CHGB: variants seen among roughly 807,000 people sequenced by gnomAD.
CHGB encodes the protein secretogranin-1.
A neutral mutation model predicts 69.9 loss-of-function variants in CHGB; 46 were observed. The ratio of observed to expected loss-of-function variants is 0.66; its 90% confidence interval spans 0.52 to 0.84. The LOEUF (loss-of-function observed/expected upper bound fraction) is 0.84, where lower values mean the gene tolerates loss of function less well. Ranked by LOEUF, CHGB falls within the 40% of genes least tolerant of loss-of-function variation. The pLI is 0.00. For missense variants in CHGB, 796 were observed against 822.2 expected (o/e 0.97, Z 0.39); for synonymous variants, 312 against 298.2 (o/e 1.05, Z -0.48).
In CHGB at chr20:5,925,331, GAAATAA is replaced by G. The variant is rs2088543981; in HGVS notation, c.*283_*288del. The G allele has an allele frequency of 4.8e-6, 1 of 206,832 alleles. No homozygotes were observed. Among genetic ancestry groups the G allele is most frequent in the African/African-American group, 2.3e-5 (1 of 42,932 alleles). 12.8% of individuals were successfully genotyped at this position (206,832 alleles called of 1,614,324 possible). A position where few individuals can be genotyped will look rare whatever the true frequency, so the allele number is the denominator to read the frequency against. ...TTTGGAAAAATGTTTGTCTCAGTTG[GAAATAA>G]TAAAAGATTCACCTGAGACCAAAAG... On this transcript the variant is annotated 3_prime_UTR_variant, in exon 5 of 5. Coordinates refer to ENST00000378961, the MANE Select transcript of CHGB (RefSeq NM_001819.3).
intron 1 of CHGB, 115 bp downstream of exon 1, chr20:5,911,797 G>GT: frequency 1.0e-6 from 1 of 988,032 alleles, no homozygotes; most frequent in Non-Finnish European, 1.4e-6. Flanking sequence ...TGAGGGGAAG[G>GT]TTTACCTCTT....
chr20:5,916,090 T>G, intron 1 of CHGB: 1 of 553,904 alleles, frequency 1.8e-6, no homozygotes, highest in Non-Finnish European at 3.2e-6. Context: ...TACGCACACC[T>G]GTGTAACCAG....
rs149885251 is a variant in CHGB at position 5,924,542 on chromosome 20, G to A, written c.1957-430G>A. Among the ~76,000 whole-genome samples the A allele has an allele frequency of 2.4e-3, 361 of 152,316 alleles. 5 individuals carry two copies. The highest frequency in any genetic ancestry group is 8.3e-3 in the African/African-American group (344 of 41,568). On this transcript the variant is annotated intron_variant, in intron 4 of 4. Transcript: ENST00000378961. ...CCTGAGGCAGGGAGAATAGGTGATA[G>A]AGAAGTTTACTTGCTTGCCTATTTA...
Position 5,911,668 on chromosome 20 carries a change from C to T in CHGB, c.35C>T (p.Ala12Val). The T allele has an allele frequency of 6.7e-7, 1 of 1,490,094 alleles. No homozygotes were observed. Among genetic ancestry groups the T allele is most frequent in the Admixed American group, 2.2e-5 (1 of 44,474 alleles). The allele number at this position is 1,490,094 out of a possible 1,614,324, so 92.3% of individuals were successfully genotyped here. A position where few individuals can be genotyped will look rare whatever the true frequency, so the allele number is the denominator to read the frequency against. Reference protein sequence around the residue: ...QPTLLLSLLGAVGLAAVNSMP... With the variant: ...QPTLLLSLLGVVGLAAVNSMP... ...ACGCTGCTTCTCAGCCTCCTGGGAGCCGTGGGGCTGGCGGGTGAGTGGGCG... is the reference window on the plus strand; with the variant it reads ...ACGCTGCTTCTCAGCCTCCTGGGAGTCGTGGGGCTGGCGGGTGAGTGGGCG... The change falls in exon 1 of 5, where the codon GCC (alanine) becomes GTC (valine). Residue 12 changes from alanine to valine, a missense_variant. Ala to Val is a moderately conservative substitution (Grantham distance 64). This residue lies in a region of CHGB where 518 missense variants were observed against 506.3 expected (regional missense o/e 1.02). Coordinates refer to ENST00000378961, the MANE Select transcript of CHGB (RefSeq NM_001819.3).
intron 1 of CHGB, among the ~76,000 whole-genome samples, chr20:5,912,337 A>AT (rs897011834): frequency 1.8e-4 from 28 of 151,518 alleles, no homozygotes; most frequent in Admixed American, 7.9e-4. Context: ...CAAAGGAATT[A>AT]TTTTTTTTTA....
At chr20:5,918,891 G>A (rs1468413709) in intron 3 of CHGB, among the ~76,000 whole-genome samples, 4 of 148,404 alleles carry the variant, frequency 2.7e-5, no homozygotes, top group Non-Finnish European at 4.5e-5. Flanking sequence ...AGGTAACAAT[G>A]GTAGCTGTGG....
Position 5,916,833 on chromosome 20 carries a change from G to A in CHGB, c.104G>A (p.Arg35His), listed in dbSNP as rs757797284. The A allele has an allele frequency of 3.2e-5, 52 of 1,613,976 alleles. No homozygotes were observed. Among genetic ancestry groups the A allele is most frequent in the Middle Eastern group, 1.6e-4 (1 of 6,084 alleles). The change falls in exon 3 of 5, where the codon CGC becomes CAC. Residue 35 changes from arginine to histidine, a missense_variant. This residue lies in a region of CHGB where 518 missense variants were observed against 506.3 expected (regional missense o/e 1.02). Coordinates refer to ENST00000378961, the MANE Select transcript of CHGB (RefSeq NM_001819.3). ...NRNHNEGMVT[R>H]CIIEVLSNAL... Reference sequence around the variant, plus strand: ...TTTCGGGTTTCCCCCCAGGTGACTCGCTGCATCATTGAGGTCCTCTCAAAT... The same window carrying A: ...TTTCGGGTTTCCCCCCAGGTGACTCACTGCATCATTGAGGTCCTCTCAAAT...
intron 3 of CHGB, 135 bp from the exon 4 acceptor site, chr20:5,922,200 G>A (rs1194448887): frequency 1.3e-5 from 16 of 1,215,662 alleles, no homozygotes. Flanking sequence ...AGGAATCTGA[G>A]TATATTCTTC....
chr20:5,922,396 A>G lies in CHGB; in HGVS notation c.252A>G (p.Arg84=). The G allele has an allele frequency of 6.3e-7, 1 of 1,597,108 alleles. No homozygotes were observed. Among genetic ancestry groups the G allele is most frequent in the East Asian group, 2.3e-5 (1 of 44,434 alleles). The part of the protein sequence containing the change: ...TENENTKFEV[R]LLRDPADASE... ...ATGAAAACACAAAGTTTGAAGTAAG[A>G]TTGTTAAGAGACCCAGCTGATGCCT... The change falls in exon 4 of 5, where the codon AGA becomes AGG. Residue 84 remains arginine, a synonymous_variant. Transcript: ENST00000378961.
chr20:5,914,825 A>G (rs2088466407), intron 1 of CHGB: 1 of 152,254 alleles, frequency 6.6e-6, no homozygotes, highest in Admixed American at 6.5e-5. Flanking sequence ...TTCTTGAAAC[A>G]GTTGAAGTGA....
chr20:5,922,878 G>T lies in CHGB; in HGVS notation c.734G>T (p.Ser245Ile). The T allele has an allele frequency of 6.2e-7, 1 of 1,613,818 alleles. No individual in the cohort carries two copies. The highest frequency in any genetic ancestry group is 8.5e-7 in the Non-Finnish European group (1 of 1,179,872). Reference protein sequence around the residue: ...SSQESGEETGSQENHPQESKG... With the variant: ...SSQESGEETGIQENHPQESKG... Reference sequence around the variant, plus strand: ...CAGGAGAGTGGAGAGGAGACAGGGAGCCAGGAGAATCACCCCCAGGAGTCT... The same window carrying T: ...CAGGAGAGTGGAGAGGAGACAGGGATCCAGGAGAATCACCCCCAGGAGTCT... Residue 245 changes from serine (S) to isoleucine (I), a missense_variant, in exon 4 of 5, where the codon AGC (serine) becomes ATC (isoleucine). Ser to Ile is a moderately radical substitution (Grantham distance 142). Coordinates refer to ENST00000378961, the MANE Select transcript of CHGB (RefSeq NM_001819.3).
Position 5,923,819 on chromosome 20 carries a change from GAGA to G in CHGB, c.1680_1682del (p.Lys560del), listed in dbSNP as rs2088532992. ...GGAGGAAAATGAGCTGACCTTGAACGAGAAGAATTTCTTCCCAGAATACAACTA... is the reference window on the plus strand; with the variant it reads ...GGAGGAAAATGAGCTGACCTTGAACGAGAATTTCTTCCCAGAATACAACTA... On this transcript the variant is annotated inframe_deletion, in exon 4 of 5. Transcript: ENST00000378961. The G allele has an allele frequency of 1.9e-6, 3 of 1,614,062 alleles. No homozygotes were observed. Among genetic ancestry groups the G allele is most frequent in the Admixed American group, 1.7e-5 (1 of 60,006 alleles).
chr20:5,923,883 T>G lies in CHGB; in HGVS notation c.1739T>G (p.Val580Gly). Reference protein sequence around the residue: ...WWEKKPFSEDVNWGYEKRNLA... With the variant: ...WWEKKPFSEDGNWGYEKRNLA... ...GAGAAAAAGCCCTTCTCTGAGGATG[T>G]GAACTGGGGGTATGAGAAGAGAAAC... Residue 580 changes from valine (V) to glycine (G), a missense_variant, in exon 4 of 5, where the codon GTG becomes GGG. Val to Gly is a moderately radical substitution (Grantham distance 109, BLOSUM62 -3). This residue lies in a region of CHGB where 274 missense variants were observed against 298.9 expected (regional missense o/e 0.92). Coordinates refer to ENST00000378961, the MANE Select transcript of CHGB (RefSeq NM_001819.3). 6.2e-7 allele frequency: 1 copy of G among 1,614,160 alleles called. No individual in the cohort carries two copies. The highest frequency in any genetic ancestry group is 2.2e-5 in the East Asian group (1 of 44,884).
intron 3 of CHGB, among the ~76,000 whole-genome samples, chr20:5,921,829 G>A (rs146042209): frequency 1.3e-5 from 2 of 152,312 alleles, no homozygotes; most frequent in Admixed American, 6.5e-5. Context: ...ATCCTCCTTT[G>A]AATCTTGATA....
chr20:5,924,901 C>A, intron 4 of CHGB, 71 bp from the exon 5 acceptor site: 1 of 887,352 alleles, frequency 1.1e-6, no homozygotes, highest in Non-Finnish European at 1.9e-6. Context: ...CCTTTGCACT[C>A]ATGCTCCATC....
chr20:5,913,464 C>G (rs2088457329), intron 1 of CHGB, among the ~76,000 whole-genome samples: 1 of 152,166 alleles, frequency 6.6e-6, no homozygotes, highest in Non-Finnish European at 1.5e-5. Context: ...AAGAAACCAT[C>G]TAGCTCATTC....
chr20:5,916,375 A>G lies in CHGB; in HGVS notation c.96+3A>G, dbSNP rs2088475745. On this transcript the variant is annotated splice_donor_region_variant and intron_variant, in intron 2 of 4. Coordinates refer to ENST00000378961, the MANE Select transcript of CHGB (RefSeq NM_001819.3). ...ACAGGAACCACAATGAAGGAATGGTAAGTTGCAATGTCAATCTTAGAATCT... is the reference window on the plus strand; with the variant it reads ...ACAGGAACCACAATGAAGGAATGGTGAGTTGCAATGTCAATCTTAGAATCT... The G allele has an allele frequency of 3.7e-6, 6 of 1,611,208 alleles. No homozygotes were observed. Among genetic ancestry groups the G allele is most frequent in the Non-Finnish European group, 5.1e-6 (6 of 1,177,460 alleles).
chr20:5,918,803 C>T (rs71338517), intron 3 of CHGB, among the ~76,000 whole-genome samples: 1 of 96,192 alleles, frequency 1.0e-5, no homozygotes, highest in Non-Finnish European at 1.8e-5. Context: ...CAGAGCGAGT[C>T]TCTGTCTAAA....
intron 1 of CHGB, 89 bp downstream of exon 1, chr20:5,911,771 G>A: frequency 1.7e-6 from 2 of 1,206,918 alleles, no homozygotes; most frequent in South Asian, 1.8e-5. Context: ...GGCGGATCCC[G>A]GGAGAGAGGG....
Sources: gnomAD v4.1 joint callset for allele counts (sites outside exome capture counted in the v4.1 genomes callset) on GRCh38, gnomAD v4.1.1 for gene constraint, gnomAD v4.1.1 regional missense constraint, MANE v1.5 for transcripts, NCBI Gene and HGNC (gene_info 2026-07-23, HGNC 2026-07-21) for gene names.